Variants in TESK2 observed in about 807,000 individuals in gnomAD.
The protein encoded by TESK2 is testis associated actin remodelling kinase 2, also known as dual specificity testis-specific protein kinase 2.
TESK2 carries 39 observed loss-of-function variants against 57.1 expected under a neutral mutation model. The observed-to-expected ratio is 0.68, with a 90% confidence interval of 0.53 to 0.89. The LOEUF (loss-of-function observed/expected upper bound fraction) is 0.89, where lower values mean the gene tolerates loss of function less well. Among genes scored for constraint, TESK2 ranks in the 40% least tolerant of loss-of-function variants. TESK2 has a pLI of 0.00. For missense variants in TESK2, 646 were observed against 732.1 expected, an observed-to-expected ratio of 0.88 and a Z score of 1.36; for synonymous variants, 249 against 267.9, an observed-to-expected ratio of 0.93 and a Z score of 0.69.
At chr1:45,450,767 C>CT (rs143079900) in intron 2 of TESK2, among the ~76,000 whole-genome samples, 31,490 of 150,730 alleles carry the variant, frequency 0.21, 3,613 homozygotes, top group Non-Finnish European at 0.27. Flanking sequence ...ATTTCTTTTT[C>CT]TTTTTTTTTA....
chr1:45,384,373 A>ATCTATCTATCTGTCTG (rs1553147463), intron 4 of TESK2, among the ~76,000 whole-genome samples: 2 of 135,134 alleles, frequency 1.5e-5, no homozygotes, highest in East Asian at 2.1e-4. Context: ...GTATCTATCT[A>ATCTATCTATCTGTCTG]TCTATCTATC....
chr1:45,354,815 A>AATATATATAT (rs199613712), intron 5 of TESK2, among the ~76,000 whole-genome samples: 4 of 40,690 alleles, frequency 9.8e-5, no homozygotes, highest in African/African-American at 3.7e-4. Context: ...AAAAAAAAAA[A>AATATATATAT]ATATATATAT....
intron 3 of TESK2, among the ~76,000 whole-genome samples, chr1:45,394,679 C>CT (rs5773871): frequency 0.44 from 24,995 of 57,230 alleles, 7,763 homozygotes; most frequent in Non-Finnish European, 0.48. Flanking sequence ...ACAGGAAACT[C>CT]TTTTTTTTTT....
chr1:45,454,154 G>A (rs1347631481), intron 2 of TESK2, among the ~76,000 whole-genome samples: 4 of 152,004 alleles, frequency 2.6e-5, no homozygotes, highest in Admixed American at 6.6e-5. Flanking sequence ...AAATAAGGCA[G>A]TCAAAAAAAG....
chr1:45,460,232 G>C (rs1270323610), intron 1 of TESK2, among the ~76,000 whole-genome samples: 1 of 152,020 alleles, frequency 6.6e-6, no homozygotes, highest in Non-Finnish European at 1.5e-5. Context: ...AAATAAAATA[G>C]AGGCTAGGCA....
At chr1:45,439,038 T>A (rs1570731910) in intron 2 of TESK2, among the ~76,000 whole-genome samples, 1 of 152,288 alleles carries the variant, frequency 6.6e-6, no homozygotes, top group African/African-American at 2.4e-5. Flanking sequence ...AGCACCAGCA[T>A]TTTGAGATCC....
At chr1:45,390,301 C>A (rs908926596) in intron 3 of TESK2, among the ~76,000 whole-genome samples, 9 of 151,628 alleles carry the variant, frequency 5.9e-5, no homozygotes, top group Non-Finnish European at 7.4e-5. Flanking sequence ...ATTTTTTATA[C>A]AAAAAAATAC....
chr1:45,440,294 G>A (rs1237904180), intron 2 of TESK2, among the ~76,000 whole-genome samples: 2 of 152,066 alleles, frequency 1.3e-5, no homozygotes, highest in Non-Finnish European at 1.5e-5. Context: ...ATAAAAGCCT[G>A]TATAAAACAT....
chr1:45,417,385 C>T (rs914939975), intron 3 of TESK2, among the ~76,000 whole-genome samples: 1 of 152,134 alleles, frequency 6.6e-6, no homozygotes. Context: ...GCATGCACCA[C>T]CACACCCGGC....
At chr1:45,402,628 A>G (rs1649675076) in intron 3 of TESK2, among the ~76,000 whole-genome samples, 1 of 151,906 alleles carries the variant, frequency 6.6e-6, no homozygotes, top group Admixed American at 6.6e-5. Context: ...GATTACAGGC[A>G]TGCAGCACCA....
Position 45,479,648 on chromosome 1 carries a change from C to A in TESK2, c.-87+11204G>T, listed in dbSNP as rs551785707. On this transcript the variant is annotated intron_variant, in intron 1 of 10. Transcript: ENST00000372086. ...TTTAATTCAGAGGAAGAGAGAATAG[C>A]CTCCACACTTGTTCCAAAGACAAAT... is the stretch of plus-strand genomic sequence containing the variant. Among the ~76,000 whole-genome samples the A allele has an allele frequency of 1.8e-3, 267 of 151,830 alleles. 1 individual carries two copies. Among genetic ancestry groups the A allele is most frequent in the Non-Finnish European group, 2.6e-3 (176 of 67,948 alleles).
intron 2 of TESK2, among the ~76,000 whole-genome samples, chr1:45,445,162 T>C (rs1651598143): frequency 6.6e-6 from 1 of 152,010 alleles, no homozygotes; most frequent in African/African-American, 2.4e-5. Context: ...ATCTAGTAAC[T>C]AACTCAGTGA....
intron 4 of TESK2, among the ~76,000 whole-genome samples, chr1:45,356,531 C>T (rs1290072399): frequency 6.6e-6 from 1 of 151,468 alleles, no homozygotes; most frequent in Non-Finnish European, 1.5e-5. Flanking sequence ...GGGAAGATCG[C>T]CTGAGCCTGG....
intron 4 of TESK2, among the ~76,000 whole-genome samples, chr1:45,360,436 G>C (rs1647637250): frequency 6.6e-6 from 1 of 152,094 alleles, no homozygotes; most frequent in Non-Finnish European, 1.5e-5. Context: ...AAGACTGTAT[G>C]TGCACTCTCT....
chr1:45,385,331 G>A (rs762954964), intron 4 of TESK2: 144 of 985,278 alleles, frequency 1.5e-4, no homozygotes, highest in Admixed American at 6.8e-4. Context: ...GATCCTCGGA[G>A]GATGAATAAT....
chr1:45,396,879 C>G (rs1479341547), intron 3 of TESK2, among the ~76,000 whole-genome samples: 1 of 128,516 alleles, frequency 7.8e-6, no homozygotes, highest in East Asian at 2.4e-4. Context: ...AGTGCAGTGG[C>G]ACAATCTTGG....
intron 1 of TESK2, among the ~76,000 whole-genome samples, chr1:45,465,526 G>A (rs1652516698): frequency 6.6e-6 from 1 of 151,938 alleles, no homozygotes; most frequent in South Asian, 2.1e-4. Flanking sequence ...GAAAGAAAAA[G>A]AGAAAAAGAA....
chr1:45,457,431 G>A lies in TESK2; in HGVS notation c.222+133C>T, dbSNP rs1652152005. 6 of 746,798 alleles carry A rather than the reference G, an allele frequency of 8.0e-6. 1 individual carries two copies. Among genetic ancestry groups the A allele is most frequent in the South Asian group, 3.7e-5 (2 of 53,792 alleles). The allele number at this position is 746,798 out of a possible 1,614,324, so 46.3% of individuals were successfully genotyped here. On this transcript the variant is annotated intron_variant, in intron 2 of 10. Transcript: ENST00000372086. ...TAAGTTAATAAATAGCTTGAAAGGAGAATTTAGAACAGTGTTCAAGATCCA... is the reference window on the plus strand; with the variant it reads ...TAAGTTAATAAATAGCTTGAAAGGAAAATTTAGAACAGTGTTCAAGATCCA...
intron 2 of TESK2, among the ~76,000 whole-genome samples, chr1:45,456,945 A>G (rs1652133601): frequency 6.6e-6 from 1 of 152,180 alleles, no homozygotes; most frequent in East Asian, 1.9e-4. Context: ...AAAAGGTACA[A>G]AATACTCTCT....
Sources: allele counts gnomAD v4.1 joint callset (sites outside exome capture counted in the v4.1 genomes callset), GRCh38; gene constraint gnomAD v4.1.1; transcripts MANE v1.5; gene names NCBI Gene and HGNC (gene_info 2026-07-23, HGNC 2026-07-21).